SENP7: variants seen among roughly 807,000 people sequenced by gnomAD.
The protein encoded by SENP7 is SUMO specific peptidase 7.
A neutral mutation model predicts 141.2 loss-of-function variants in SENP7; 64 were observed. The observed-to-expected ratio is 0.45, with a 90% CI of 0.37 to 0.56. The LOEUF is 0.56. SENP7 is among the 20% of genes least tolerant of loss of function. The pLI, the probability that SENP7 is intolerant of heterozygous loss-of-function variation, is 0.00. For missense variants in SENP7, 1,025 were observed against 1,212.2 expected (o/e 0.85, Z 2.29); for synonymous variants, 382 against 426.4 (o/e 0.90, Z 1.28).
intron 6 of SENP7, among the ~76,000 whole-genome samples, chr3:101,384,723 C>G (rs953015594): frequency 2.6e-5 from 4 of 152,236 alleles, no homozygotes; most frequent in Non-Finnish European, 5.9e-5. Context: ...GAGCCAAGCA[C>G]AGCCTGCCAG....
intron 5 of SENP7, among the ~76,000 whole-genome samples, chr3:101,415,795 T>C (rs1357301475): frequency 6.6e-6 from 1 of 152,216 alleles, no homozygotes; most frequent in Non-Finnish European, 1.5e-5. Flanking sequence ...TGGCACCTTA[T>C]TGTTTTGATA....
chr3:101,463,382 T>A (rs913009734), intron 3 of SENP7, among the ~76,000 whole-genome samples: 1 of 89,926 alleles, frequency 1.1e-5, no homozygotes, highest in African/African-American at 5.1e-5. Context: ...TATATATATA[T>A]ATATATATAT....
chr3:101,488,113 T>C (rs567861450), intron 3 of SENP7, among the ~76,000 whole-genome samples: 1 of 152,320 alleles, frequency 6.6e-6, no homozygotes, highest in Non-Finnish European at 1.5e-5. Context: ...TTTCCATTTA[T>C]TTGTGTCATC....
Position 101,392,266 on chromosome 3 carries a change from G to A in SENP7, c.677+6595C>T, listed in dbSNP as rs551671001. On this transcript the variant is annotated intron_variant, in intron 6 of 23. Transcript: ENST00000394095. Reference sequence around the variant, plus strand: ...TAAAGGGCATCCAAATTAGAAAAGAGATAGTCAAATTATCCCTCTTTCCAG... The same window carrying A: ...TAAAGGGCATCCAAATTAGAAAAGAAATAGTCAAATTATCCCTCTTTCCAG... 1.6e-4 allele frequency among the ~76,000 whole-genome samples: 25 copies of A among 152,218 alleles called. No individual in the cohort carries two copies. In the South Asian group the frequency reaches 5.0e-3, roughly 30 times the overall value.
intron 4 of SENP7, among the ~76,000 whole-genome samples, chr3:101,435,779 C>G (rs1355441380): frequency 6.6e-6 from 1 of 151,874 alleles, no homozygotes; most frequent in Non-Finnish European, 1.5e-5. Flanking sequence ...TATGAGAACA[C>G]TAAAAAATAG....
intron 6 of SENP7, among the ~76,000 whole-genome samples, chr3:101,397,039 C>T (rs1235887835): frequency 6.6e-6 from 1 of 152,120 alleles, no homozygotes; most frequent in Non-Finnish European, 1.5e-5. Context: ...GACAAGGTTT[C>T]ACCATGTTGG....
At chr3:101,330,448 G>GA (rs2059019862) in intron 19 of SENP7, 62 bp from the exon 20 acceptor site, 1 of 1,121,950 alleles carries the variant, frequency 8.9e-7, no homozygotes, top group African/African-American at 1.6e-5. Flanking sequence ...AGGTAACTTA[G>GA]AAAAGCTTAA....
At chr3:101,397,818 T>C (rs531925218) in intron 6 of SENP7, among the ~76,000 whole-genome samples, 5 of 152,164 alleles carry the variant, frequency 3.3e-5, no homozygotes, top group Non-Finnish European at 5.9e-5. Context: ...AAAAGTATCC[T>C]ACAGGCTGAA....
chr3:101,480,384 T>G (rs1208885074), intron 3 of SENP7, among the ~76,000 whole-genome samples: 1 of 152,066 alleles, frequency 6.6e-6, no homozygotes, highest in African/African-American at 2.4e-5. Context: ...TAAAGTAAAA[T>G]GATTTTCAAC....
At chr3:101,457,492 G>C in intron 4 of SENP7, 1 of 1,609,584 alleles carries the variant, frequency 6.2e-7, no homozygotes, top group Non-Finnish European at 8.5e-7. Context: ...AGAGATGCCT[G>C]AACTTTAGGG....
chr3:101,452,277 T>C (rs1247109597), intron 4 of SENP7, among the ~76,000 whole-genome samples: 14 of 152,158 alleles, frequency 9.2e-5, no homozygotes, highest in Non-Finnish European at 2.1e-4. Flanking sequence ...ATCATGAAAA[T>C]GGCCATACTG....
intron 3 of SENP7, among the ~76,000 whole-genome samples, chr3:101,479,419 GA>G (rs1392907896): frequency 6.6e-6 from 1 of 152,048 alleles, no homozygotes; most frequent in Non-Finnish European, 1.5e-5. Context: ...AACATGGCAA[GA>G]CACCATCCTC....
At chr3:101,420,539 T>A (rs2061761493) in intron 4 of SENP7, among the ~76,000 whole-genome samples, 1 of 152,224 alleles carries the variant, frequency 6.6e-6, no homozygotes, top group Non-Finnish European at 1.5e-5. Flanking sequence ...CCTTTTTTCC[T>A]GCAAACAGAT....
intron 1 of SENP7, among the ~76,000 whole-genome samples, chr3:101,503,387 A>C (rs779451837): frequency 5.3e-5 from 8 of 152,262 alleles, no homozygotes; most frequent in Non-Finnish European, 5.9e-5. Flanking sequence ...CTTTTAGATA[A>C]ATAACCAACA....
In SENP7 at chr3:101,513,083, T is replaced by C. The variant is rs1559934136; in HGVS notation, c.40+8A>G. The C allele has an allele frequency of 1.9e-6, 3 of 1,613,278 alleles. No individual in the cohort carries two copies. Among genetic ancestry groups the C allele is most frequent in the East Asian group, 2.2e-5 (1 of 44,824 alleles). On this transcript the variant is annotated splice_region_variant and intron_variant, in intron 1 of 23. Transcript: ENST00000394095. ...AATATGTTCAGCCCTTCTCTGACCC[T>C]TTCTCACCGGATGAAGATGGCCGTC...
At chr3:101,507,060 C>CAA (rs11315312) in intron 1 of SENP7, among the ~76,000 whole-genome samples, 6 of 89,040 alleles carry the variant, frequency 6.7e-5, no homozygotes, top group African/African-American at 2.8e-4. Flanking sequence ...GATCCCATCT[C>CAA]AAAAAAAAAA....
chr3:101,402,491 G>A (rs1283205953), intron 5 of SENP7, among the ~76,000 whole-genome samples: 1 of 151,848 alleles, frequency 6.6e-6, no homozygotes. Flanking sequence ...GCATGGTGGT[G>A]CACACCTGTA....
intron 17 of SENP7, among the ~76,000 whole-genome samples, chr3:101,336,599 G>A (rs977672385): frequency 1.3e-5 from 2 of 152,168 alleles, no homozygotes; most frequent in Non-Finnish European, 2.9e-5. Context: ...CTGAAATAAT[G>A]TCAATAAATG....
chr3:101,448,872 C>G (rs756529515), intron 4 of SENP7, among the ~76,000 whole-genome samples: 1 of 152,130 alleles, frequency 6.6e-6, no homozygotes, highest in Non-Finnish European at 1.5e-5. Flanking sequence ...CAAAGCTGGA[C>G]AGAGAATGAC....
Sources: gnomAD v4.1 joint callset for allele counts (sites outside exome capture counted in the v4.1 genomes callset) on GRCh38, gnomAD v4.1.1 for gene constraint, MANE v1.5 for transcripts, NCBI Gene and HGNC (gene_info 2026-07-23, HGNC 2026-07-21) for gene names.